Variants in NID2 observed in about 807,000 individuals in gnomAD.
NID2 encodes the protein nidogen 2, also known as nidogen-2.
A neutral mutation model predicts 145.4 loss-of-function variants in NID2; 83 were observed. That is an observed-to-expected ratio of 0.57 (90% CI 0.48 to 0.69). NID2 has a LOEUF of 0.69. Among genes scored for constraint, NID2 ranks in the 30% least tolerant of loss-of-function variants. The probability of loss-of-function intolerance (pLI) is 0.00; values close to 1 mark genes in which losing one functional copy is unlikely to be tolerated. For synonymous variants in NID2, 739 were observed against 701.3 expected (o/e 1.05, Z -0.85); for missense variants, 1,807 against 1,765.7 (o/e 1.02, Z -0.42).
In NID2 at chr14:52,068,938, CAGT is replaced by C. The variant is rs773689129; in HGVS notation, c.54_56del (p.Leu21del). ...CCCGCAACATTAGCAACGGCAGCAGCAGTAGCACTGGTAACGACGACAGCACCG... is the reference window on the plus strand; with the variant it reads ...CCCGCAACATTAGCAACGGCAGCAGCAGCACTGGTAACGACGACAGCACCG... On this transcript the variant is annotated inframe_deletion, in exon 1 of 22. Coordinates refer to ENST00000216286, the MANE Select transcript of NID2 (RefSeq NM_007361.4). 7 of 1,613,852 alleles carry C rather than the reference CAGT, an allele frequency of 4.3e-6. No individual in the cohort carries two copies. The highest frequency in any genetic ancestry group is 5.9e-6 in the Non-Finnish European group (7 of 1,179,960).
chr14:52,041,532 G>A (rs1425153118), intron 7 of NID2, among the ~76,000 whole-genome samples: 2 of 152,188 alleles, frequency 1.3e-5, no homozygotes, highest in Non-Finnish European at 2.9e-5. Context: ...TGTTGTCAAC[G>A]GGTGGCCTTT....
At chr14:52,034,697 T>C (rs557717898) in intron 9 of NID2, among the ~76,000 whole-genome samples, 2 of 152,294 alleles carry the variant, frequency 1.3e-5, no homozygotes, top group South Asian at 4.1e-4. Flanking sequence ...AGCCCTCAGC[T>C]CCAATAACAA....
intron 9 of NID2, among the ~76,000 whole-genome samples, chr14:52,033,462 T>TG (rs140705836): frequency 0.023 from 3,498 of 152,064 alleles, 100 homozygotes; most frequent in African/African-American, 0.064. Context: ...AAACAACTGG[T>TG]GGGGGGTGGC....
At chr14:52,046,694 G>T (rs1455809420) in intron 5 of NID2, among the ~76,000 whole-genome samples, 1 of 152,226 alleles carries the variant, frequency 6.6e-6, no homozygotes, top group African/African-American at 2.4e-5. Context: ...TTATAACAAT[G>T]AGCAGGCTCC....
At chr14:52,019,975 T>A in intron 13 of NID2, 84 bp downstream of exon 13, 2 of 1,556,578 alleles carry the variant, frequency 1.3e-6, no homozygotes, top group Non-Finnish European at 1.7e-6. Flanking sequence ...CAGACCAGGC[T>A]AAATCAAGAG....
At chr14:52,047,341 G>A (rs1161053042) in intron 5 of NID2, among the ~76,000 whole-genome samples, 1 of 152,146 alleles carries the variant, frequency 6.6e-6, no homozygotes, top group Non-Finnish European at 1.5e-5. Context: ...GAGGCCAGGA[G>A]GAGGTGAGGG....
intron 9 of NID2, among the ~76,000 whole-genome samples, chr14:52,034,117 A>G (rs763251222): frequency 1.8e-4 from 27 of 152,102 alleles, no homozygotes; most frequent in Non-Finnish European, 2.9e-5. Context: ...CCATCCTTTG[A>G]TATTATTATT....
At chr14:52,038,029 C>T (rs1892137609) in intron 9 of NID2, among the ~76,000 whole-genome samples, 1 of 152,176 alleles carries the variant, frequency 6.6e-6, no homozygotes, top group African/African-American at 2.4e-5. Context: ...ATTTTCTACA[C>T]AAAATGTCAT....
At chr14:52,034,781 G>C (rs77979638) in intron 9 of NID2, among the ~76,000 whole-genome samples, 6,188 of 152,218 alleles carry the variant, frequency 0.041, 418 homozygotes, top group African/African-American at 0.14. Context: ...TTTCAATACA[G>C]TGGCTGAATT....
intron 8 of NID2, 139 bp from the exon 9 acceptor site, chr14:52,039,116 G>A: frequency 3.0e-6 from 2 of 669,408 alleles, no homozygotes; most frequent in Non-Finnish European, 4.9e-6. Flanking sequence ...ATGAAAAAAT[G>A]TGTAAGGAAA....
chr14:52,005,704 A>AT (rs1199448782), intron 21 of NID2, 33 bp downstream of exon 21: 1 of 1,548,984 alleles, frequency 6.5e-7, no homozygotes, highest in Non-Finnish European at 8.9e-7. Flanking sequence ...TACCCTGCTA[A>AT]TTTAAAGGAG....
At chr14:52,056,847 T>C (rs771189552) in intron 3 of NID2, among the ~76,000 whole-genome samples, 4 of 152,128 alleles carry the variant, frequency 2.6e-5, no homozygotes, top group South Asian at 2.1e-4. Flanking sequence ...TAAATACTTA[T>C]TAACTACTGT....
At chr14:52,011,137 C>T in intron 17 of NID2, 90 bp from the exon 18 acceptor site, 19 of 1,318,054 alleles carry the variant, frequency 1.4e-5, no homozygotes, top group Admixed American at 7.6e-5. Flanking sequence ...GCAGGGGGGT[C>T]AGCAGGGGAA....
intron 5 of NID2, among the ~76,000 whole-genome samples, chr14:52,048,750 C>T (rs941110867): frequency 1.3e-5 from 2 of 152,000 alleles, no homozygotes; most frequent in South Asian, 2.1e-4. Context: ...AGAGGGCAGG[C>T]ACACCTGGCT....
intron 20 of NID2, 103 bp from the exon 21 acceptor site, chr14:52,005,952 G>GCCTT (rs1197043521): frequency 1.3e-6 from 1 of 798,548 alleles, no homozygotes; most frequent in Non-Finnish European, 2.1e-6. Flanking sequence ...ATTTCTGGCA[G>GCCTT]CCTTCTCTGT....
intron 5 of NID2, among the ~76,000 whole-genome samples, chr14:52,049,702 AG>A (rs1260291449): frequency 1.1e-4 from 4 of 36,532 alleles, no homozygotes; most frequent in Middle Eastern, 0.015. Context: ...TTTTTCGTCC[AG>A]TTTTCATGTT....
chr14:52,020,107 A>G lies in NID2; in HGVS notation c.2746T>C (p.Cys916Arg). Residue 916 changes from cysteine to arginine, a missense_variant, in exon 13 of 22, where the codon TGC (cysteine) becomes CGC (arginine). By Grantham distance (180) the Cys-to-Arg change is radical. Transcript: ENST00000216286. ...TCYNTPGSFS[C>R]RCQPGYYGDG... ...CCATAATATCCGGGTTGACAACGGC[A>G]GGAGAAGGAACCAGGAGTATTGTAG... 1.2e-6 allele frequency: 2 copies of G among 1,614,154 alleles called. No homozygotes were observed. The highest frequency in any genetic ancestry group is 1.7e-6 in the Non-Finnish European group (2 of 1,179,966).
intron 16 of NID2, 138 bp downstream of exon 16, chr14:52,014,149 C>T: frequency 9.3e-7 from 1 of 1,070,464 alleles, no homozygotes; most frequent in Non-Finnish European, 1.4e-6. Context: ...TGGCATCGGG[C>T]CCATGCCGAT....
Position 52,011,672 on chromosome 14 carries a change from G to A in NID2, c.3432C>T (p.Ile1144=), listed in dbSNP as rs149700204. The A allele has an allele frequency of 6.0e-5, 97 of 1,614,018 alleles. No individual in the cohort carries two copies. The African/African-American group carries it at 1.1e-3, about 18-fold the overall frequency. The change falls in exon 17 of 22, where the codon ATC becomes ATT. Residue 1144 remains isoleucine (I), a synonymous_variant. Transcript: ENST00000216286. The part of the protein sequence containing the change: ...KTLLSLHGSI[I]VGIDYDCRER... ...CCCGGCAGTCGTAATCAATTCCCAC[G>A]ATTATGGAGCCCTTTGTGCATCAAA... is the stretch of plus-strand genomic sequence containing the variant.
Sources: allele counts gnomAD v4.1 joint callset (sites outside exome capture counted in the v4.1 genomes callset), GRCh38; gene constraint gnomAD v4.1.1; transcripts MANE v1.5; gene names NCBI Gene and HGNC (gene_info 2026-07-23, HGNC 2026-07-21).